Variants in PGAP4 observed in about 807,000 individuals in gnomAD.
PGAP4 encodes the protein post-GPI attachment to proteins GalNAc transferase 4.
PGAP4 carries 12 observed loss-of-function variants against 28.2 expected under a neutral mutation model. The ratio of observed to expected loss-of-function variants is 0.42; its 90% CI spans 0.27 to 0.69. The LOEUF (loss-of-function observed/expected upper bound fraction) is 0.69, where lower values mean the gene tolerates loss of function less well. Ranked by LOEUF, PGAP4 falls within the 30% of genes least tolerant of loss-of-function variation. The probability of loss-of-function intolerance (pLI) is 0.22; values close to 1 mark genes in which losing one functional copy is unlikely to be tolerated. For synonymous variants in PGAP4, 205 were observed against 211.8 expected (o/e 0.97, Z 0.28); for missense variants, 425 against 513.5 (o/e 0.83, Z 1.67).
intron 1 of PGAP4, chr9:101,481,487 A>G (rs1826487314): frequency 6.6e-6 from 1 of 152,260 alleles, no homozygotes; most frequent in African/African-American, 2.4e-5. Context: ...ACAGAACAAT[A>G]CATATCCAGT....
Position 101,475,626 on chromosome 9 carries a change from C to CT in PGAP4, c.*254dup. 1 of 516,966 alleles carries CT rather than the reference C, an allele frequency of 1.9e-6. No homozygotes were observed. Among genetic ancestry groups the CT allele is most frequent in the Admixed American group, 3.5e-5 (1 of 28,464 alleles). The allele number at this position is 516,966 out of a possible 1,614,324, so 32.0% of individuals were successfully genotyped here. ...TAATCAGTGTTCAAATGCACCCTCA[C>CT]TGGGTGGGTCAGACTGCATGAGGCA... On this transcript the variant is annotated 3_prime_UTR_variant, in exon 2 of 2. Coordinates refer to ENST00000374848, the MANE Select transcript of PGAP4 (RefSeq NM_032342.3).
intron 2 of PGAP4, among the ~76,000 whole-genome samples, chr9:101,530,030 C>T (rs1397545587): frequency 6.6e-6 from 1 of 152,180 alleles, no homozygotes; most frequent in African/African-American, 2.4e-5. Context: ...GTCTGGCATA[C>T]AATCCAATCC....
chr9:101,509,807 C>A (rs1826879761), intron 2 of PGAP4, among the ~76,000 whole-genome samples: 1 of 152,136 alleles, frequency 6.6e-6, no homozygotes, highest in African/African-American at 2.4e-5. Context: ...GCTTCTGACT[C>A]ACATTCAGAA....
chr9:101,504,050 A>T (rs577299549), intron 2 of PGAP4, among the ~76,000 whole-genome samples: 30 of 151,884 alleles, frequency 2.0e-4, no homozygotes, highest in Non-Finnish European at 4.3e-4. Flanking sequence ...TTTTTTCTAA[A>T]AAAGTGGGAG....
rs1011209528 is a variant in PGAP4, at chr9:101,487,050, C to T, written c.-179G>A. 1 of 152,326 alleles carries T rather than the reference C, an allele frequency of 6.6e-6. No individual in the cohort carries two copies. Among genetic ancestry groups the T allele is most frequent in the African/African-American group, 2.4e-5 (1 of 41,470 alleles). The allele number at this position is 152,326 out of a possible 1,614,324, so 9.4% of individuals were successfully genotyped here. ...CCCGGTGGAGGCGCCATCTCCGGGG[C>T]CCGGAAGGAGCGGGCGCAGCGCGGT... On this transcript the variant is annotated 5_prime_UTR_variant, in exon 1 of 2. Coordinates refer to ENST00000374848, the MANE Select transcript of PGAP4 (RefSeq NM_032342.3).
chr9:101,531,950 A>G (rs772010704), intron 1 of PGAP4, among the ~76,000 whole-genome samples: 5 of 152,270 alleles, frequency 3.3e-5, no homozygotes, highest in Non-Finnish European at 5.9e-5. Flanking sequence ...AACATGATCT[A>G]TTAATAAAAG....
In PGAP4 at chr9:101,475,797, C is replaced by T; in HGVS notation, c.*84G>A. On this transcript the variant is annotated 3_prime_UTR_variant, in exon 2 of 2. Transcript: ENST00000374848. ...CTAACAACAGTAAACAGTGAAATACCTGCAGGCAACCATGTCTAAATAAAG... is the reference window on the plus strand; with the variant it reads ...CTAACAACAGTAAACAGTGAAATACTTGCAGGCAACCATGTCTAAATAAAG... 7.1e-7 allele frequency: 1 copy of T among 1,406,096 alleles called. No homozygotes were observed. The highest frequency in any genetic ancestry group is 9.8e-7 in the Non-Finnish European group (1 of 1,022,116). The allele number at this position is 1,406,096 out of a possible 1,614,324, so 87.1% of individuals were successfully genotyped here.
At chr9:101,480,625 T>C (rs754306190) in intron 1 of PGAP4, 4 of 152,106 alleles carry the variant, frequency 2.6e-5, no homozygotes, top group Non-Finnish European at 5.9e-5. Context: ...GAAAATGTAC[T>C]CCAGGGAGGG....
chr9:101,507,068 G>T (rs1434635327), intron 2 of PGAP4, among the ~76,000 whole-genome samples: 3 of 151,990 alleles, frequency 2.0e-5, no homozygotes, highest in Non-Finnish European at 2.9e-5. Context: ...GTCAATATCT[G>T]TTTGCTTTCA....
chr9:101,496,729 C>T (rs1356623866), intron 2 of PGAP4, among the ~76,000 whole-genome samples: 2 of 150,906 alleles, frequency 1.3e-5, no homozygotes, highest in Non-Finnish European at 3.0e-5. Context: ...TAGTTTAGGA[C>T]ACAAATTTAC....
intron 2 of PGAP4, among the ~76,000 whole-genome samples, chr9:101,499,678 T>C (rs1013284700): frequency 1.3e-5 from 2 of 152,082 alleles, no homozygotes; most frequent in African/African-American, 4.8e-5. Flanking sequence ...TGTGCAAAGT[T>C]GTGATTTTTG....
intron 1 of PGAP4, among the ~76,000 whole-genome samples, chr9:101,532,259 G>C (rs539486507): frequency 6.8e-6 from 1 of 147,738 alleles, no homozygotes; most frequent in South Asian, 2.1e-4. Flanking sequence ...GACAGAGTAA[G>C]ACTCTGTCTC....
intron 2 of PGAP4, among the ~76,000 whole-genome samples, chr9:101,492,339 C>T (rs1053455683): frequency 1.3e-5 from 2 of 152,098 alleles, no homozygotes; most frequent in South Asian, 2.1e-4. Flanking sequence ...GACTAAGGCG[C>T]ATACCACCAT....
At chr9:101,489,310 T>G (rs1228557538), upstream of PGAP4, 2 of 152,218 alleles carry the variant, frequency 1.3e-5, no homozygotes, top group African/African-American at 4.8e-5. Flanking sequence ...TTAACCTCTA[T>G]GCAAGTAGGG....
chr9:101,492,594 A>G (rs1826700672), intron 2 of PGAP4, among the ~76,000 whole-genome samples: 1 of 151,912 alleles, frequency 6.6e-6, no homozygotes, highest in Non-Finnish European at 1.5e-5. Context: ...TTTCCTGAAG[A>G]TTGTTGGGTT....
At chr9:101,509,360 C>A (rs3903803) in intron 2 of PGAP4, among the ~76,000 whole-genome samples, 18 of 151,974 alleles carry the variant, frequency 1.2e-4, no homozygotes, top group African/African-American at 4.3e-4. Flanking sequence ...TTGAACCCAG[C>A]TGTTGTTCTC....
upstream of PGAP4, among the ~76,000 whole-genome samples, chr9:101,491,094 A>G (rs1826684276): frequency 6.6e-6 from 1 of 152,180 alleles, no homozygotes; most frequent in Non-Finnish European, 1.5e-5. Context: ...ACTGAATTCC[A>G]AAGATATTAG....
intron 2 of PGAP4, among the ~76,000 whole-genome samples, chr9:101,526,646 A>G (rs1028941738): frequency 1.3e-5 from 2 of 152,008 alleles, no homozygotes; most frequent in Non-Finnish European, 2.9e-5. Context: ...ATGGGGTTTC[A>G]CCATGTTGGC....
chr9:101,509,413 TCA>T (rs898435188), intron 2 of PGAP4, among the ~76,000 whole-genome samples: 63 of 152,308 alleles, frequency 4.1e-4, no homozygotes, highest in Middle Eastern at 3.4e-3. Context: ...GTTGAATATG[TCA>T]CACAAGTAAG....
Sources: allele counts gnomAD v4.1 joint callset (sites outside exome capture counted in the v4.1 genomes callset), GRCh38; gene constraint gnomAD v4.1.1; transcripts MANE v1.5; gene names NCBI Gene and HGNC (gene_info 2026-07-23, HGNC 2026-07-21).